Variants in UGT2B7 observed in about 807,000 individuals in gnomAD.
UGT2B7 encodes the protein UDP glucuronosyltransferase family 2 member B7.
In UGT2B7, 51 loss-of-function variants were observed where a neutral mutation model predicts 51.9. That is an observed-to-expected ratio of 0.98 (90% CI 0.78 to 1.24). The LOEUF is 1.24. UGT2B7 is among the 50% of genes most tolerant of loss of function. UGT2B7 has a pLI of 0.00. For synonymous variants in UGT2B7, 225 were observed against 211.6 expected (o/e 1.06, Z -0.55); for missense variants, 727 against 628.4 (o/e 1.16, Z -1.68).
At chr4:69,104,008 G>T (rs1344970356) in intron 3 of UGT2B7, among the ~76,000 whole-genome samples, 1 of 152,136 alleles carries the variant, frequency 6.6e-6, no homozygotes, top group Non-Finnish European at 1.5e-5. Flanking sequence ...TAAACTATAG[G>T]CCAGGCACGG....
Position 69,112,458 on chromosome 4 carries a change from T to C in UGT2B7, c.1312T>C (p.Tyr438His). The part of the protein sequence containing the change: ...ALKRVINDPS[Y>H]KENVMKLSRI... Reference sequence around the variant, plus strand: ...ACTGTCTTTATTTTTATCTTTCAGATATAAAGAGAATGTTATGAAATTATC... The same window carrying C: ...ACTGTCTTTATTTTTATCTTTCAGACATAAAGAGAATGTTATGAAATTATC... The change falls in exon 6 of 6, where the codon TAT becomes CAT. Residue 438 changes from tyrosine to histidine, a missense_variant and splice_region_variant. Physicochemically the swap from Tyr to His is moderately conservative, Grantham distance 83. Coordinates refer to ENST00000305231, the MANE Select transcript of UGT2B7 (RefSeq NM_001074.4). 6.2e-7 allele frequency: 1 copy of C among 1,613,054 alleles called. No homozygotes were observed. Among genetic ancestry groups the C allele is most frequent in the East Asian group, 2.2e-5 (1 of 44,876 alleles).
At chr4:69,053,752 C>A (rs1192949065) in intron 1 of UGT2B7, among the ~76,000 whole-genome samples, 1 of 152,044 alleles carries the variant, frequency 6.6e-6, no homozygotes, top group Non-Finnish European at 1.5e-5. Flanking sequence ...TAAGAATTTT[C>A]GAAAGGTTAT....
chr4:69,063,921 C>G (rs576338044), intron 1 of UGT2B7, among the ~76,000 whole-genome samples: 3 of 151,864 alleles, frequency 2.0e-5, no homozygotes, highest in Admixed American at 6.6e-5. Context: ...CAACCCGTAC[C>G]AAACAGAGAA....
At chr4:69,071,837 A>G (rs1718608673) in intron 1 of UGT2B7, among the ~76,000 whole-genome samples, 1 of 152,120 alleles carries the variant, frequency 6.6e-6, no homozygotes, top group South Asian at 2.1e-4. Context: ...TGTCTTCTTT[A>G]TAAAAGGGGA....
intron 2 of UGT2B7, among the ~76,000 whole-genome samples, chr4:69,102,007 C>G (rs964197783): frequency 6.6e-5 from 10 of 152,150 alleles, no homozygotes; most frequent in African/African-American, 2.4e-4. Flanking sequence ...ATCAATTTAA[C>G]AGTGTGATTT....
At chr4:69,108,773 AC>A (rs1355077858) in intron 5 of UGT2B7, among the ~76,000 whole-genome samples, 1 of 151,164 alleles carries the variant, frequency 6.6e-6, no homozygotes, top group African/African-American at 2.4e-5. Context: ...ATAGCATAAA[AC>A]CCCCCTGTTT....
At chr4:69,061,602 G>A (rs1718349356) in intron 1 of UGT2B7, among the ~76,000 whole-genome samples, 1 of 152,184 alleles carries the variant, frequency 6.6e-6, no homozygotes, top group Non-Finnish European at 1.5e-5. Context: ...TGGGAGGCTA[G>A]CCATACCTGA....
At chr4:69,105,501 T>G (rs1216505415) in intron 3 of UGT2B7, among the ~76,000 whole-genome samples, 2 of 152,198 alleles carry the variant, frequency 1.3e-5, no homozygotes, top group Admixed American at 6.5e-5. Flanking sequence ...TAAAATGTCT[T>G]GGCTATAGCA....
At chr4:69,078,026 A>G (rs1718753136) in intron 1 of UGT2B7, among the ~76,000 whole-genome samples, 1 of 152,036 alleles carries the variant, frequency 6.6e-6, no homozygotes. Context: ...TTCTGGATCT[A>G]TTGAGACAAT....
At chr4:69,098,280 A>T (rs1246308571) in intron 1 of UGT2B7, among the ~76,000 whole-genome samples, 10 of 152,026 alleles carry the variant, frequency 6.6e-5, no homozygotes, top group Non-Finnish European at 1.3e-4. Flanking sequence ...ATTGTTTATG[A>T]TTATGAGCAT....
At chr4:69,083,391 A>T (rs1718878704) in intron 1 of UGT2B7, among the ~76,000 whole-genome samples, 1 of 152,062 alleles carries the variant, frequency 6.6e-6, no homozygotes, top group Non-Finnish European at 1.5e-5. Flanking sequence ...AACCTTCTGT[A>T]AGTAATTTAG....
chr4:69,052,530 T>C (rs1228661038), intron 1 of UGT2B7, among the ~76,000 whole-genome samples: 5 of 47,038 alleles, frequency 1.1e-4, no homozygotes, highest in African/African-American at 2.5e-4. Context: ...TCCAAAGACA[T>C]CAAAAAAGTT....
chr4:69,062,698 C>G (rs1718375870), intron 1 of UGT2B7, among the ~76,000 whole-genome samples: 1 of 152,142 alleles, frequency 6.6e-6, no homozygotes, highest in South Asian at 2.1e-4. Flanking sequence ...CTGCTCTGGT[C>G]ACTCTGGAAG....
intron 1 of UGT2B7, among the ~76,000 whole-genome samples, chr4:69,064,284 A>G (rs1718442260): frequency 6.6e-6 from 1 of 152,114 alleles, no homozygotes; most frequent in Non-Finnish European, 1.5e-5. Context: ...TGGTCTGTAG[A>G]CCCTCCCAAA....
chr4:69,107,139 C>A, intron 3 of UGT2B7, 36 bp from the exon 4 acceptor site: 1 of 1,589,888 alleles, frequency 6.3e-7, no homozygotes, highest in Non-Finnish European at 8.6e-7. Context: ...TTTTGAATTC[C>A]ACTCATGGAA....
chr4:69,063,796 A>G (rs891983997), intron 1 of UGT2B7, among the ~76,000 whole-genome samples: 1 of 152,090 alleles, frequency 6.6e-6, no homozygotes, highest in Non-Finnish European at 1.5e-5. Context: ...CTATATTAAA[A>G]GGTTGCTTAA....
intron 1 of UGT2B7, among the ~76,000 whole-genome samples, chr4:69,060,403 C>A (rs1272971911): frequency 6.6e-6 from 1 of 152,222 alleles, no homozygotes; most frequent in East Asian, 1.9e-4. Context: ...ATTTCTCGCT[C>A]ATGGCTAAGC....
At chr4:69,065,179 G>A (rs568373239) in intron 1 of UGT2B7, among the ~76,000 whole-genome samples, 3 of 152,106 alleles carry the variant, frequency 2.0e-5, no homozygotes, top group Non-Finnish European at 4.4e-5. Context: ...TTTTGAAATA[G>A]GTCTATTCAG....
chr4:69,055,345 C>CA (rs544890954), intron 1 of UGT2B7, among the ~76,000 whole-genome samples: 1,614 of 135,980 alleles, frequency 0.012, 16 homozygotes, highest in Middle Eastern at 0.03. Context: ...TGTTTGACTC[C>CA]AAAAAAAAAA....
Sources: gnomAD v4.1 joint callset for allele counts (sites outside exome capture counted in the v4.1 genomes callset) on GRCh38, gnomAD v4.1.1 for gene constraint, MANE v1.5 for transcripts, NCBI Gene and HGNC (gene_info 2026-07-23, HGNC 2026-07-21) for gene names.